Variants in EDIL3 observed in about 807,000 individuals in gnomAD.
EDIL3 encodes the protein EGF-like repeat and discoidin I-like domain-containing protein 3.
Under a neutral mutation model 67.4 loss-of-function variants are expected in EDIL3, and 37 were observed. That is an observed-to-expected ratio of 0.55 (90% confidence interval 0.42 to 0.72). The LOEUF is 0.72. EDIL3 is among the 30% of genes least tolerant of loss of function. The pLI, the probability that EDIL3 is intolerant of heterozygous loss-of-function variation, is 0.00. For synonymous variants in EDIL3, 195 were observed against 196.3 expected (o/e 0.99, Z 0.05); for missense variants, 527 against 586.3 (o/e 0.90, Z 1.04).
intron 2 of EDIL3, among the ~76,000 whole-genome samples, chr5:84,233,820 G>A (rs1353031219): frequency 6.6e-6 from 1 of 152,132 alleles, no homozygotes; most frequent in African/African-American, 2.4e-5. Flanking sequence ...ACAGAGGCTT[G>A]TGGCCCCAGA....
At chr5:84,096,344 A>C (rs1193035097) in intron 6 of EDIL3, among the ~76,000 whole-genome samples, 1 of 152,172 alleles carries the variant, frequency 6.6e-6, no homozygotes, top group Non-Finnish European at 1.5e-5. Flanking sequence ...AAAGCCACAG[A>C]GGAGAAGATG....
chr5:84,158,794 C>T (rs182951653), intron 4 of EDIL3, among the ~76,000 whole-genome samples: 1 of 152,136 alleles, frequency 6.6e-6, no homozygotes, highest in East Asian at 1.9e-4. Flanking sequence ...GATAAGTTCT[C>T]TTAATTTTGG....
intron 9 of EDIL3, among the ~76,000 whole-genome samples, chr5:84,039,508 A>T (rs1561411637): frequency 6.6e-6 from 1 of 152,196 alleles, no homozygotes; most frequent in African/African-American, 2.4e-5. Flanking sequence ...GTATCTATTC[A>T]CCAGGAATAG....
chr5:84,095,009 C>G (rs575830165), intron 6 of EDIL3, among the ~76,000 whole-genome samples: 3 of 152,158 alleles, frequency 2.0e-5, no homozygotes, highest in Non-Finnish European at 4.4e-5. Flanking sequence ...CTTCACTGTT[C>G]TTTCCTCTCC....
chr5:84,175,144 G>A (rs545099477), intron 4 of EDIL3, among the ~76,000 whole-genome samples: 2 of 152,126 alleles, frequency 1.3e-5, no homozygotes, highest in Non-Finnish European at 1.5e-5. Context: ...CTCATTGCCT[G>A]GTTCTGGGTC....
chr5:84,086,465 G>A (rs917658061), intron 6 of EDIL3, among the ~76,000 whole-genome samples: 2 of 152,084 alleles, frequency 1.3e-5, no homozygotes, highest in African/African-American at 2.4e-5. Context: ...GCTTCTGCTC[G>A]CTCTCTGTGG....
intron 2 of EDIL3, among the ~76,000 whole-genome samples, chr5:84,246,664 A>C (rs1311112323): frequency 3.9e-5 from 6 of 152,164 alleles, no homozygotes; most frequent in African/African-American, 1.2e-4. Context: ...TTTACCACAA[A>C]CTGGCTTTTA....
At chr5:83,958,969 G>A (rs1256216882) in intron 10 of EDIL3, among the ~76,000 whole-genome samples, 1 of 151,208 alleles carries the variant, frequency 6.6e-6, no homozygotes, top group African/African-American at 2.4e-5. Flanking sequence ...GGACTGTAAT[G>A]AGAGTGTCAT....
At chr5:84,073,422 T>C (rs925486831) in intron 6 of EDIL3, among the ~76,000 whole-genome samples, 20 of 152,294 alleles carry the variant, frequency 1.3e-4, no homozygotes, top group African/African-American at 4.3e-4. Flanking sequence ...TGTTTGCAGA[T>C]GACATGATTG....
intron 2 of EDIL3, among the ~76,000 whole-genome samples, chr5:84,249,315 G>C (rs998533018): frequency 6.6e-6 from 1 of 152,046 alleles, no homozygotes; most frequent in Non-Finnish European, 1.5e-5. Context: ...CTTAAAGCAA[G>C]ACATCTGCTT....
At chr5:84,380,113 C>T (rs1397329442) in intron 1 of EDIL3, among the ~76,000 whole-genome samples, 1 of 151,892 alleles carries the variant, frequency 6.6e-6, no homozygotes, top group African/African-American at 2.4e-5. Flanking sequence ...TTAATAATTA[C>T]TTCACATTGG....
chr5:84,003,628 G>A (rs1202804065), intron 9 of EDIL3, among the ~76,000 whole-genome samples: 1 of 152,114 alleles, frequency 6.6e-6, no homozygotes, highest in African/African-American at 2.4e-5. Flanking sequence ...AAATGCTAAG[G>A]AAAATCATTA....
intron 3 of EDIL3, among the ~76,000 whole-genome samples, chr5:84,214,281 G>A (rs1744183611): frequency 6.6e-6 from 1 of 152,080 alleles, no homozygotes; most frequent in Admixed American, 6.6e-5. Context: ...TAATACAACT[G>A]TCCCTCAGTA....
At chr5:84,271,967 A>C (rs1256810442) in intron 1 of EDIL3, among the ~76,000 whole-genome samples, 1 of 152,108 alleles carries the variant, frequency 6.6e-6, no homozygotes, top group Non-Finnish European at 1.5e-5. Flanking sequence ...TTCTTAGCTT[A>C]ATTTTAAAAA....
intron 1 of EDIL3, among the ~76,000 whole-genome samples, chr5:84,361,243 A>G (rs1747589567): frequency 6.6e-6 from 1 of 150,572 alleles, no homozygotes; most frequent in South Asian, 2.1e-4. Flanking sequence ...TTCTGATGAT[A>G]CCACCATTCT....
intron 3 of EDIL3, among the ~76,000 whole-genome samples, chr5:84,221,450 T>C (rs1174449214): frequency 1.3e-5 from 2 of 152,132 alleles, no homozygotes; most frequent in African/African-American, 4.8e-5. Context: ...GCAAAGTTTA[T>C]TTTAGTAAAA....
rs114768747 is a variant in EDIL3, at chr5:84,014,873, A to G, written c.1137+45427T>C. On this transcript the variant is annotated intron_variant, in intron 9 of 10. Transcript: ENST00000296591. ...TCCTGGCTAACTGAAGAGCAGATAC[A>G]GAACTCTGGAATACTGAACCATAGC... is the stretch of plus-strand genomic sequence containing the variant. Among the ~76,000 whole-genome samples, 1,082 of 152,344 alleles carry G rather than the reference A, an allele frequency of 7.1e-3. 16 individuals are homozygous for G. The highest frequency in any genetic ancestry group is 0.025 in the African/African-American group (1,040 of 41,592).
At chr5:84,038,944 T>C (rs757011717) in intron 9 of EDIL3, among the ~76,000 whole-genome samples, 5 of 152,162 alleles carry the variant, frequency 3.3e-5, no homozygotes, top group Non-Finnish European at 5.9e-5. Context: ...TGCAGCATAT[T>C]TTATAGGCCT....
chr5:83,967,032 A>C (rs933224714), intron 9 of EDIL3, among the ~76,000 whole-genome samples: 3 of 152,124 alleles, frequency 2.0e-5, no homozygotes, highest in African/African-American at 7.2e-5. Context: ...AACTAAAAAC[A>C]ATGTAACGTT....
Sources: allele counts gnomAD v4.1 joint callset (sites outside exome capture counted in the v4.1 genomes callset), GRCh38; gene constraint gnomAD v4.1.1; transcripts MANE v1.5; gene names NCBI Gene and HGNC (gene_info 2026-07-23, HGNC 2026-07-21).